Variants in OSR1 observed in about 807,000 individuals in gnomAD.
OSR1 encodes protein odd-skipped-related 1.
A neutral mutation model predicts 15.7 loss-of-function variants in OSR1; 3 were observed. That is an observed-to-expected ratio of 0.19 (90% confidence interval 0.09 to 0.50). OSR1 has a LOEUF of 0.50. OSR1 is among the 20% of genes least tolerant of loss of function. The pLI, the probability that OSR1 is intolerant of heterozygous loss-of-function variation, is 0.97. For missense variants in OSR1, 271 were observed against 351.1 expected, an observed-to-expected ratio of 0.77 and a Z score of 1.82; for synonymous variants, 166 against 152.7, an observed-to-expected ratio of 1.09 and a Z score of -0.64.
At chr2:19,351,035 G>A (rs992438261), downstream of OSR1, among the ~76,000 whole-genome samples, 2 of 152,092 alleles carry the variant, frequency 1.3e-5, no homozygotes, top group African/African-American at 2.4e-5. Flanking sequence ...CTGTGAGGGC[G>A]GGTCCTTCCC....
At chr2:19,356,524 AAC>A (rs1664953102) in intron 1 of OSR1, 1 of 152,354 alleles carries the variant, frequency 6.6e-6, no homozygotes, top group East Asian at 1.9e-4. Context: ...TTAAGAGAAA[AAC>A]ACAGTCTCAC....
At position 19,353,629 on chromosome 2, in the gene OSR1, G is replaced by A. The variant is rs1239946864; in HGVS notation, c.177C>T (p.Tyr59=). Residue 59 remains tyrosine, a synonymous_variant, in exon 2 of 3, where the codon TAC becomes TAT. Transcript: ENST00000272223. Reference sequence around the variant, plus strand: ...AAGAGCGCGGCAAGTGCATGGCCGGGTAGCCCAGCGTCCACTGATGCAGGT... The same window carrying A: ...AAGAGCGCGGCAAGTGCATGGCCGGATAGCCCAGCGTCCACTGATGCAGGT... ...AVHLHQWTLG[Y]PAMHLPRSSF... is the part of the protein sequence containing the mutation. The A allele has an allele frequency of 6.2e-7, 1 of 1,614,146 alleles. No homozygotes were observed. The highest frequency in any genetic ancestry group is 8.5e-7 in the Non-Finnish European group (1 of 1,180,058).
chr2:19,349,213 A>T (rs775266558), downstream of OSR1, among the ~76,000 whole-genome samples: 1 of 152,198 alleles, frequency 6.6e-6, no homozygotes, highest in Non-Finnish European at 1.5e-5. Context: ...CTGGGGCACT[A>T]GTTTCCAACC....
chr2:19,350,317 G>A (rs976462284), downstream of OSR1, among the ~76,000 whole-genome samples: 1 of 152,146 alleles, frequency 6.6e-6, no homozygotes, highest in Non-Finnish European at 1.5e-5. Context: ...GTGGAGGCCA[G>A]GGCTGGTCCG....
intron 1 of OSR1, chr2:19,356,815 C>G (rs2103364144): frequency 6.6e-6 from 1 of 152,438 alleles, no homozygotes. Flanking sequence ...GAGCGCCAAT[C>G]CCAGGTCTGC....
downstream of OSR1, among the ~76,000 whole-genome samples, chr2:19,348,017 C>T (rs1306901437): frequency 6.6e-6 from 1 of 152,270 alleles, no homozygotes; most frequent in Non-Finnish European, 1.5e-5. Context: ...CCGGCACCAG[C>T]AGCACTGGCC....
chr2:19,348,761 G>A (rs2103356660), downstream of OSR1, among the ~76,000 whole-genome samples: 1 of 152,340 alleles, frequency 6.6e-6, no homozygotes, highest in South Asian at 2.1e-4. Flanking sequence ...CTCCCAGGAA[G>A]AAGCTCCTGC....
chr2:19,347,143 G>A (rs1664746538), downstream of OSR1, among the ~76,000 whole-genome samples: 1 of 152,244 alleles, frequency 6.6e-6, no homozygotes, highest in South Asian at 2.1e-4. Context: ...TAAAGATGGG[G>A]GTGGTATCTC....
chr2:19,349,818 T>G (rs1558358143), downstream of OSR1, among the ~76,000 whole-genome samples: 1 of 152,174 alleles, frequency 6.6e-6, no homozygotes, highest in Non-Finnish European at 1.5e-5. Context: ...TGTTCACCCA[T>G]GCACTCTGGT....
Position 19,353,309 on chromosome 2 carries a change from C to G in OSR1, c.497G>C (p.Arg166Pro). 1 of 1,614,258 alleles carries G rather than the reference C, an allele frequency of 6.2e-7. No homozygotes were observed. The highest frequency in any genetic ancestry group is 8.5e-7 in the Non-Finnish European group (1 of 1,180,048). Reference sequence around the variant, plus strand: ...TTCCTTCTTGGTCTTGGAAGGCAGACGTCCCCTTGTGGGCTTCTTTTCTGG... The same window carrying G: ...TTCCTTCTTGGTCTTGGAAGGCAGAGGTCCCCTTGTGGGCTTCTTTTCTGG... ...LSPEKKPTRG[R>P]LPSKTKKEFV... Residue 166 changes from arginine to proline, a missense_variant, in exon 2 of 3, where the codon CGT becomes CCT. Coordinates refer to ENST00000272223, the MANE Select transcript of OSR1 (RefSeq NM_145260.3).
chr2:19,347,767 C>T (rs1232626719), downstream of OSR1, among the ~76,000 whole-genome samples: 1 of 152,212 alleles, frequency 6.6e-6, no homozygotes, highest in Non-Finnish European at 1.5e-5. Context: ...GCGCCACCCT[C>T]GCCAGCTCAG....
At chr2:19,350,391 A>G (rs1664813478), downstream of OSR1, among the ~76,000 whole-genome samples, 1 of 152,144 alleles carries the variant, frequency 6.6e-6, no homozygotes, top group East Asian at 1.9e-4. Context: ...TAGCCCGCAC[A>G]GGACTCAGGA....
chr2:19,352,315 G>C lies in OSR1; in HGVS notation c.761C>G (p.Ser254Ter). 6.2e-7 allele frequency: 1 copy of C among 1,614,258 alleles called. No homozygotes were observed. Residue 254 changes from serine to a stop codon, truncating the protein, a stop_gained, in exon 3 of 3, where the codon TCA becomes TGA. Transcript: ENST00000272223. LOFTEE classifies it high-confidence loss of function. ...RTLAVHKTLH[S>*]QVKELKTSKI... Reference sequence around the variant, plus strand: ...GGAGGTTTTGAGCTCCTTCACCTGTGAGTGTAGCGTCTTGTGGACAGCGAG... The same window carrying C: ...GGAGGTTTTGAGCTCCTTCACCTGTCAGTGTAGCGTCTTGTGGACAGCGAG...
rs1572259080 is a variant in OSR1 at position 19,352,190 on chromosome 2, C to T, written c.*85G>A. 1.3e-6 allele frequency: 2 copies of T among 1,487,688 alleles called. No individual in the cohort carries two copies. The highest frequency in any genetic ancestry group is 1.8e-6 in the Non-Finnish European group (2 of 1,092,972). The allele number at this position is 1,487,688 out of a possible 1,614,324, so 92.2% of individuals were successfully genotyped here. A position where few individuals can be genotyped will look rare whatever the true frequency, so the allele number is the denominator to read the frequency against. The stretch of plus-strand genomic sequence containing the variant: ...TGGAAGGTCCCGAGCGAGCGCCTCT[C>T]CCGCTGCCCGCCAGAGTCAGGCTTC... On this transcript the variant is annotated 3_prime_UTR_variant, in exon 3 of 3. Transcript: ENST00000272223.
At chr2:19,347,628 G>A (rs769859737), downstream of OSR1, among the ~76,000 whole-genome samples, 1 of 152,268 alleles carries the variant, frequency 6.6e-6, no homozygotes, top group Non-Finnish European at 1.5e-5. Flanking sequence ...AGGAAGTCGG[G>A]ATGAACGGGT....
intron 1 of OSR1, chr2:19,354,244 CTT>C (rs1664904556): frequency 6.0e-6 from 1 of 167,348 alleles, no homozygotes; most frequent in African/African-American, 2.4e-5. Flanking sequence ...GGGGAACATA[CTT>C]ACACATTTAT....
In OSR1 at chr2:19,354,019, A is replaced by G. The variant is rs1478243141; in HGVS notation, c.-32-182T>C. ...CAAAGAGGGTGGGAATGTAAGACGCAGGGGAGCCCTCTTTTCAGAACCCTC... is the reference window on the plus strand; with the variant it reads ...CAAAGAGGGTGGGAATGTAAGACGCGGGGGAGCCCTCTTTTCAGAACCCTC... On this transcript the variant is annotated intron_variant, in intron 1 of 2. Coordinates refer to ENST00000272223, the MANE Select transcript of OSR1 (RefSeq NM_145260.3). 1.5e-5 allele frequency: 9 copies of G among 586,538 alleles called. No individual in the cohort carries two copies. The East Asian group carries it at 2.3e-4, about 15-fold the overall frequency. 36.3% of individuals were successfully genotyped at this position (586,538 alleles called of 1,614,324 possible).
intron 1 of OSR1, chr2:19,356,656 C>T (rs1664955503): frequency 1.3e-5 from 2 of 152,246 alleles, no homozygotes; most frequent in Non-Finnish European, 2.9e-5. Flanking sequence ...GAAAACCCTT[C>T]CCCAGGCTAG....
Position 19,353,314 on chromosome 2 carries a change from C to A in OSR1, c.492G>T (p.Arg164Ser). The change falls in exon 2 of 3, where the codon AGG becomes AGT. Residue 164 changes from arginine to serine, a missense_variant. Transcript: ENST00000272223. ...TCTTGGTCTTGGAAGGCAGACGTCC[C>A]CTTGTGGGCTTCTTTTCTGGAGACA... ...TKLSPEKKPTRGRLPSKTKKE... is the reference protein window; with the variant it reads ...TKLSPEKKPTSGRLPSKTKKE... The A allele has an allele frequency of 6.2e-7, 1 of 1,614,248 alleles. No individual in the cohort carries two copies. Among genetic ancestry groups the A allele is most frequent in the Non-Finnish European group, 8.5e-7 (1 of 1,180,048 alleles).
Sources: allele counts gnomAD v4.1 joint callset (sites outside exome capture counted in the v4.1 genomes callset), GRCh38; gene constraint gnomAD v4.1.1; transcripts MANE v1.5; gene names NCBI Gene and HGNC (gene_info 2026-07-23, HGNC 2026-07-21).